The following ULK4 variants were observed in gnomAD, a reference collection of about 807,000 sequenced individuals.
The protein encoded by ULK4 is unc-51 like kinase 4.
ULK4 carries 133 observed loss-of-function variants against 160.6 expected under a neutral mutation model. That is an observed-to-expected ratio of 0.83 (90% confidence interval 0.72 to 0.96). The LOEUF is 0.96. Among genes scored for constraint, ULK4 ranks in the 40% least tolerant of loss-of-function variants. The pLI is 0.00. For synonymous variants in ULK4, 534 were observed against 539.8 expected (o/e 0.99, Z 0.15); for missense variants, 1,580 against 1,499.5 (o/e 1.05, Z -0.89).
At chr3:41,356,468 G>C (rs2081031303) in intron 35 of ULK4, among the ~76,000 whole-genome samples, 1 of 152,152 alleles carries the variant, frequency 6.6e-6, no homozygotes, top group African/African-American at 2.4e-5. Flanking sequence ...CCAAATCACA[G>C]CATCAGGAAC....
At chr3:41,773,029 G>A (rs138959835) in intron 21 of ULK4, among the ~76,000 whole-genome samples, 7,353 of 152,208 alleles carry the variant, frequency 0.048, 336 homozygotes, top group African/African-American at 0.12. Context: ...AATCCTTCAT[G>A]CTAAAAACTC....
At chr3:41,406,264 G>C (rs569742767) in intron 34 of ULK4, among the ~76,000 whole-genome samples, 1 of 152,198 alleles carries the variant, frequency 6.6e-6, no homozygotes, top group Non-Finnish European at 1.5e-5. Flanking sequence ...CTTTGTCAAA[G>C]ATCAGGTGGC....
At chr3:41,562,993 T>C (rs889992139) in intron 32 of ULK4, among the ~76,000 whole-genome samples, 20 of 152,224 alleles carry the variant, frequency 1.3e-4, no homozygotes, top group African/African-American at 4.8e-4. Context: ...TTGCAGTGGC[T>C]GCTACAGGTT....
chr3:41,924,784 T>C (rs1699319165), intron 5 of ULK4, among the ~76,000 whole-genome samples: 1 of 152,124 alleles, frequency 6.6e-6, no homozygotes. Context: ...GGGCCTATGA[T>C]TAACCTGCTG....
chr3:41,927,386 C>T (rs1699423500), intron 5 of ULK4, among the ~76,000 whole-genome samples: 3 of 152,124 alleles, frequency 2.0e-5, no homozygotes, highest in Admixed American at 2.0e-4. Context: ...CCAGCCACTG[C>T]AAAAACATAC....
At chr3:41,882,434 A>AG (rs1697557609) in intron 17 of ULK4, among the ~76,000 whole-genome samples, 1 of 152,194 alleles carries the variant, frequency 6.6e-6, no homozygotes, top group Non-Finnish European at 1.5e-5. Flanking sequence ...GCTTTTCTTC[A>AG]AGCACTCAAT....
At chr3:41,690,182 A>G (rs2036244099) in intron 27 of ULK4, among the ~76,000 whole-genome samples, 1 of 149,552 alleles carries the variant, frequency 6.7e-6, no homozygotes, top group South Asian at 2.1e-4. Flanking sequence ...TCAGTAAACT[A>G]TCGCAAGAAC....
At chr3:41,282,127 A>G (rs1446215776) in intron 35 of ULK4, among the ~76,000 whole-genome samples, 3 of 152,200 alleles carry the variant, frequency 2.0e-5, no homozygotes, top group Non-Finnish European at 4.4e-5. Context: ...GAGAACTACA[A>G]ACCACTGCTC....
intron 31 of ULK4, among the ~76,000 whole-genome samples, chr3:41,597,754 C>G (rs1282621984): frequency 6.6e-6 from 1 of 152,124 alleles, no homozygotes; most frequent in Non-Finnish European, 1.5e-5. Flanking sequence ...CTGGATAATT[C>G]TTAAGGAAGA....
At chr3:41,721,295 C>A (rs1399645666) in intron 22 of ULK4, among the ~76,000 whole-genome samples, 1 of 51,438 alleles carries the variant, frequency 1.9e-5, no homozygotes, top group Non-Finnish European at 3.4e-5. Context: ...GGGTTTTGAA[C>A]CATGAGTATG....
At chr3:41,690,004 C>T (rs1312243097) in intron 27 of ULK4, among the ~76,000 whole-genome samples, 10 of 148,216 alleles carry the variant, frequency 6.7e-5, no homozygotes, top group Admixed American at 1.3e-4. Flanking sequence ...ATGTTTACTG[C>T]GGCACTATTC....
intron 35 of ULK4, among the ~76,000 whole-genome samples, chr3:41,274,733 T>C (rs1164212856): frequency 6.6e-6 from 1 of 152,314 alleles, no homozygotes; most frequent in East Asian, 1.9e-4. Flanking sequence ...ATTTCTGATA[T>C]GCCAAACAAC....
rs71075470 is a variant in ULK4, at chr3:41,506,767, AATATATATATATATATATATAT to A, written c.3227-43536_3227-43515del. Among the ~76,000 whole-genome samples the A allele has an allele frequency of 2.2e-3, 126 of 56,794 alleles. 20 individuals are homozygous for A. The South Asian group carries it at 0.079, about 36-fold the overall frequency. 37.3% of individuals were successfully genotyped at this position (56,794 alleles called of 152,430 possible). A position where few individuals can be genotyped will look rare whatever the true frequency, so the allele number is the denominator to read the frequency against. ...AGCAATACACTGGAGTGTGATTTAA[AATATATATATATATATATATAT>A]ATATATATATATATATATGAACATG... On this transcript the variant is annotated intron_variant, in intron 32 of 36. Coordinates refer to ENST00000301831, the MANE Select transcript of ULK4 (RefSeq NM_017886.4).
At chr3:41,315,480 T>C (rs1161102458) in intron 35 of ULK4, among the ~76,000 whole-genome samples, 1 of 152,142 alleles carries the variant, frequency 6.6e-6, no homozygotes, top group Non-Finnish European at 1.5e-5. Context: ...TTGTAGAAAT[T>C]ATCTAAAAAA....
chr3:41,646,322 G>A (rs527589144), intron 30 of ULK4, among the ~76,000 whole-genome samples: 8 of 152,270 alleles, frequency 5.3e-5, no homozygotes, highest in South Asian at 2.1e-4. Flanking sequence ...ATTTTGCAGC[G>A]ACTGGTACTG....
chr3:41,364,320 A>G (rs2081209000), intron 35 of ULK4, among the ~76,000 whole-genome samples: 1 of 152,062 alleles, frequency 6.6e-6, no homozygotes, highest in South Asian at 2.1e-4. Flanking sequence ...CCTCCTGCCC[A>G]TTTCCTGACC....
chr3:41,872,260 G>A (rs1697125376), intron 17 of ULK4, among the ~76,000 whole-genome samples: 1 of 152,160 alleles, frequency 6.6e-6, no homozygotes, highest in Non-Finnish European at 1.5e-5. Context: ...CTGAGCAACT[G>A]CTGGAATTTC....
chr3:41,443,438 G>C (rs1239968771), intron 34 of ULK4, among the ~76,000 whole-genome samples: 1 of 152,168 alleles, frequency 6.6e-6, no homozygotes, highest in Non-Finnish European at 1.5e-5. Context: ...ATAAATAATG[G>C]ATGCATAGTA....
Position 41,954,715 on chromosome 3 carries a change from C to A in ULK4, c.45G>T (p.Lys15Asn), listed in dbSNP as rs1414521334. Residue 15 changes from lysine to asparagine, a missense_variant, in exon 2 of 37, where the codon AAG (lysine) becomes AAT (asparagine). Coordinates refer to ENST00000301831, the MANE Select transcript of ULK4 (RefSeq NM_017886.4). Reference protein sequence around the residue: ...ILYEEIGRGSKTVVYKGRRKG... With the variant: ...ILYEEIGRGSNTVVYKGRRKG... ...TCCGTCGCCCTTTATAGACAACAGT[C>A]TTGCTTCCTCTTCCGATCTCCTCAT... 1.9e-6 allele frequency: 3 copies of A among 1,613,974 alleles called. No homozygotes were observed. The highest frequency in any genetic ancestry group is 2.5e-6 in the Non-Finnish European group (3 of 1,179,910).
Sources: gnomAD v4.1 joint callset for allele counts (sites outside exome capture counted in the v4.1 genomes callset) on GRCh38, gnomAD v4.1.1 for gene constraint, MANE v1.5 for transcripts, NCBI Gene and HGNC (gene_info 2026-07-23, HGNC 2026-07-21) for gene names.